Variants in NUDCD3 observed in about 807,000 individuals in gnomAD.
NUDCD3 encodes the protein NudC domain containing 3.
A neutral mutation model predicts 39.7 loss-of-function variants in NUDCD3; 13 were observed. The observed-to-expected ratio is 0.33, with a 90% CI of 0.21 to 0.52. The LOEUF is 0.52. Among genes scored for constraint, NUDCD3 ranks in the 20% least tolerant of loss-of-function variants. NUDCD3 has a pLI of 0.96. For synonymous variants in NUDCD3, 175 were observed against 172.4 expected (o/e 1.02, Z -0.12); for missense variants, 453 against 458.1 (o/e 0.99, Z 0.10).
intron 4 of NUDCD3, among the ~76,000 whole-genome samples, chr7:44,395,471 C>A (rs1563164344): frequency 1.3e-5 from 2 of 152,228 alleles, no homozygotes; most frequent in Non-Finnish European, 1.5e-5. Flanking sequence ...CAATGGTGCA[C>A]AACCATCACC....
intron 2 of NUDCD3, among the ~76,000 whole-genome samples, chr7:44,478,468 G>A (rs1044531080): frequency 1.3e-5 from 2 of 152,172 alleles, no homozygotes; most frequent in Admixed American, 6.5e-5. Context: ...CAGGAGAATC[G>A]CTTGAACCTG....
chr7:44,468,180 A>G lies in NUDCD3; in HGVS notation c.509+16788T>C. The G allele has an allele frequency of 2.5e-6, 4 of 1,602,484 alleles. No individual in the cohort carries two copies. The South Asian group carries it at 4.4e-5, about 18-fold the overall frequency. On this transcript the variant is annotated intron_variant, in intron 2 of 5. Transcript: ENST00000355451. ...GTGCTGCTGATGTGCAACAAATCTT[A>G]CTGTGCCGAGATCGCTCACAATGTT...
Position 44,484,955 on chromosome 7 carries a change from T to C in NUDCD3, c.509+13A>G, listed in dbSNP as rs373046397. On this transcript the variant is annotated intron_variant, in intron 2 of 5. Transcript: ENST00000355451. The stretch of plus-strand genomic sequence containing the variant: ...CGCAAGAAAGAAGGAAGCTGCAAAG[T>C]AGAAATTCCCACCTGGGAAGAATTG... 8.9e-6 allele frequency: 14 copies of C among 1,575,884 alleles called. No individual in the cohort carries two copies. The Middle Eastern group carries it at 6.8e-4, about 77-fold the overall frequency.
chr7:44,398,018 C>T (rs1044306700), intron 4 of NUDCD3, among the ~76,000 whole-genome samples: 25 of 152,130 alleles, frequency 1.6e-4, no homozygotes, highest in African/African-American at 6.0e-4. Flanking sequence ...CATCCACAGC[C>T]CTCAGTGGGT....
At chr7:44,426,601 C>T (rs1799240567) in intron 3 of NUDCD3, among the ~76,000 whole-genome samples, 2 of 152,008 alleles carry the variant, frequency 1.3e-5, no homozygotes, top group Admixed American at 1.3e-4. Context: ...TCGAGACCAT[C>T]CTGGCTAAAA....
Position 44,386,070 on chromosome 7 carries a change from G to A in NUDCD3, c.1027C>T (p.Arg343Ter), listed in dbSNP as rs776671458. The change falls in exon 6 of 6, where the codon CGA (arginine) becomes TGA (stop). Residue 343 changes from arginine to a stop codon, truncating the protein, a stop_gained. Transcript: ENST00000355451. LOFTEE classifies it high-confidence loss of function. ...KGWDAEGSPF[R>*]GQRFDPAMFN... ...ATGGCAGGGTCGAATCGCTGGCCTCGGAAGGGAGAACCTTCAGCATCCCAC... is the reference window on the plus strand; with the variant it reads ...ATGGCAGGGTCGAATCGCTGGCCTCAGAAGGGAGAACCTTCAGCATCCCAC... 6.2e-6 allele frequency: 10 copies of A among 1,613,482 alleles called. No homozygotes were observed. The highest frequency in any genetic ancestry group is 1.1e-5 in the South Asian group (1 of 91,066).
At chr7:44,431,856 G>C (rs746164580) in intron 2 of NUDCD3, among the ~76,000 whole-genome samples, 1 of 151,946 alleles carries the variant, frequency 6.6e-6, no homozygotes, top group African/African-American at 2.4e-5. Flanking sequence ...TATTTTAGTA[G>C]AGATAGGGTT....
chr7:44,456,520 A>C (rs930688549), intron 2 of NUDCD3, among the ~76,000 whole-genome samples: 1 of 152,152 alleles, frequency 6.6e-6, no homozygotes, highest in Non-Finnish European at 1.5e-5. Flanking sequence ...TATAATCTGA[A>C]CACTTTAAGA....
chr7:44,457,301 T>C (rs537172471), intron 2 of NUDCD3, among the ~76,000 whole-genome samples: 1 of 152,358 alleles, frequency 6.6e-6, no homozygotes, highest in South Asian at 2.1e-4. Flanking sequence ...TATTCAACTT[T>C]GTACTAGAAG....
chr7:44,459,451 G>C (rs1489129706), intron 2 of NUDCD3, among the ~76,000 whole-genome samples: 1 of 152,118 alleles, frequency 6.6e-6, no homozygotes, highest in African/African-American at 2.4e-5. Context: ...GCCTCTTGAA[G>C]TGTTGGGATT....
At position 44,455,551 on chromosome 7, in the gene NUDCD3, T is replaced by C. The variant is rs570702821; in HGVS notation, c.510-27848A>G. Among the ~76,000 whole-genome samples the C allele has an allele frequency of 1.1e-4, 17 of 152,284 alleles. 1 individual carries two copies. The South Asian group carries it at 2.9e-3, about 26-fold the overall frequency. ...ATCCTTCAGGCATGTGTGTGAGAAA[T>C]TGTGTGTGTACATATGTGTGACAGC... On this transcript the variant is annotated intron_variant, in intron 2 of 5. Transcript: ENST00000355451.
At chr7:44,387,288 G>A (rs1798417414) in intron 5 of NUDCD3, among the ~76,000 whole-genome samples, 1 of 152,138 alleles carries the variant, frequency 6.6e-6, no homozygotes. Context: ...AGCCTCCTGA[G>A]TACTTAAAAC....
In NUDCD3 at chr7:44,488,557, C is replaced by T. The variant is rs553373257; in HGVS notation, c.192+1852G>A. On this transcript the variant is annotated intron_variant, in intron 1 of 5. Coordinates refer to ENST00000355451, the MANE Select transcript of NUDCD3 (RefSeq NM_015332.4). ...CCTCGGACCACTCCAGTTGCTCTAG[C>T]TCCCAAAAGATCTAGTCCAGTAATT... Among the ~76,000 whole-genome samples the T allele has an allele frequency of 7.9e-5, 12 of 152,212 alleles. No homozygotes were observed. In the East Asian group the frequency reaches 2.3e-3, roughly 29 times the overall value.
rs1182489116 is a variant in NUDCD3 at position 44,384,502 on chromosome 7, C to A, written c.*1509G>T. On this transcript the variant is annotated 3_prime_UTR_variant, in exon 6 of 6. Coordinates refer to ENST00000355451, the MANE Select transcript of NUDCD3 (RefSeq NM_015332.4). ...GATCGGAGCAACATGTTTGGACCCACAGAAGACTTCCCAGGAATGCTTTCT... is the reference window on the plus strand; with the variant it reads ...GATCGGAGCAACATGTTTGGACCCAAAGAAGACTTCCCAGGAATGCTTTCT... 1 of 152,168 alleles carries A rather than the reference C, an allele frequency of 6.6e-6. No homozygotes were observed. Among genetic ancestry groups the A allele is most frequent in the East Asian group, 1.9e-4 (1 of 5,196 alleles). 9.4% of individuals were successfully genotyped at this position (152,168 alleles called of 1,614,324 possible).
intron 2 of NUDCD3, among the ~76,000 whole-genome samples, chr7:44,476,494 C>G (rs577936818): frequency 2.0e-5 from 3 of 152,214 alleles, no homozygotes; most frequent in African/African-American, 7.2e-5. Flanking sequence ...TGTGACAGCT[C>G]GATGAGAAGA....
chr7:44,385,860 G>T lies in NUDCD3; in HGVS notation c.*151C>A. 1.6e-6 allele frequency: 1 copy of T among 613,870 alleles called. No homozygotes were observed. Among genetic ancestry groups the T allele is most frequent in the Non-Finnish European group, 2.9e-6 (1 of 340,446 alleles). 38.0% of individuals were successfully genotyped at this position (613,870 alleles called of 1,614,324 possible). On this transcript the variant is annotated 3_prime_UTR_variant, in exon 6 of 6. Transcript: ENST00000355451. Reference sequence around the variant, plus strand: ...CTCTGGAACAGTCTGGAGATGCAAGGTCAGGGTGGAAGGCCTGGTTCACCC... The same window carrying T: ...CTCTGGAACAGTCTGGAGATGCAAGTTCAGGGTGGAAGGCCTGGTTCACCC...
At chr7:44,454,034 C>T (rs1229625489) in intron 2 of NUDCD3, among the ~76,000 whole-genome samples, 1 of 151,308 alleles carries the variant, frequency 6.6e-6, no homozygotes, top group East Asian at 1.9e-4. Flanking sequence ...CAGAGCAAGG[C>T]CTTGTTTCAA....
At chr7:44,390,971 C>T (rs760119709) in intron 5 of NUDCD3, among the ~76,000 whole-genome samples, 4 of 152,258 alleles carry the variant, frequency 2.6e-5, no homozygotes, top group Non-Finnish European at 4.4e-5. Context: ...TGCCATGCCC[C>T]GGGTGGAAAA....
intron 2 of NUDCD3, among the ~76,000 whole-genome samples, chr7:44,443,822 C>T (rs1369802043): frequency 2.6e-5 from 4 of 152,186 alleles, no homozygotes; most frequent in East Asian, 3.8e-4. Flanking sequence ...GAAGAGACCC[C>T]ACCTCAGCTC....
Sources: gnomAD v4.1 joint callset for allele counts (sites outside exome capture counted in the v4.1 genomes callset) on GRCh38, gnomAD v4.1.1 for gene constraint, MANE v1.5 for transcripts, NCBI Gene and HGNC (gene_info 2026-07-23, HGNC 2026-07-21) for gene names.